The following PMPCA variants were observed in gnomAD, a reference collection of about 807,000 sequenced individuals.
The protein encoded by PMPCA is peptidase, mitochondrial processing subunit alpha, also known as mitochondrial-processing peptidase subunit alpha.
PMPCA carries 47 observed loss-of-function variants against 59.3 expected under a neutral mutation model. The ratio of observed to expected loss-of-function variants is 0.79; its 90% CI spans 0.63 to 1.01. PMPCA has a LOEUF of 1.01. Among genes scored for constraint, PMPCA ranks in the 50% least tolerant of loss-of-function variants. The pLI is 0.00. For synonymous variants in PMPCA, 338 were observed against 290.3 expected, an observed-to-expected ratio of 1.16 and a Z score of -1.67; for missense variants, 726 against 704.5, an observed-to-expected ratio of 1.03 and a Z score of -0.34.
chr9:136,419,364 T>C (rs924588031), intron 11 of PMPCA: 9 of 570,214 alleles, frequency 1.6e-5, no homozygotes, highest in Non-Finnish European at 2.8e-5. Context: ...CAGTGCTCGG[T>C]CCACTACTTC....
chr9:136,416,292 TGAA>T lies in PMPCA; in HGVS notation c.539_541del (p.Glu180del), dbSNP rs1564421463. 3 of 1,612,252 alleles carry T rather than the reference TGAA, an allele frequency of 1.9e-6. No individual in the cohort carries two copies. Among genetic ancestry groups the T allele is most frequent in the Non-Finnish European group, 2.5e-6 (3 of 1,178,776 alleles). ...CCTGGCCTTTGGGTTCTCTTGCAGA[TGAA>T]GAAGTCGAGATGACGCGGATGGCGG... On this transcript the variant is annotated inframe_deletion and splice_region_variant, in exon 6 of 13. Coordinates refer to ENST00000371717, the MANE Select transcript of PMPCA (RefSeq NM_015160.3).
In PMPCA at chr9:136,418,809, G is replaced by T. The variant is rs759678114; in HGVS notation, c.1110-19G>T. 2.5e-6 allele frequency: 4 copies of T among 1,596,546 alleles called. No individual in the cohort carries two copies. In the East Asian group the frequency reaches 8.9e-5, roughly 36 times the overall value. ...CCTGGCGAGTCCCCTTCACTCCCAT[G>T]ACTCTCGCTTCCTCCCAGGCACCAC... On this transcript the variant is annotated intron_variant, in intron 9 of 12. Transcript: ENST00000371717.
intron 11 of PMPCA, 77 bp downstream of exon 11, chr9:136,419,183 C>T: frequency 7.8e-7 from 1 of 1,276,722 alleles, no homozygotes; most frequent in African/African-American, 1.5e-5. Context: ...GGAGTGGCCA[C>T]CTGTGGGCCT....
chr9:136,411,584 G>A (rs1313067132), intron 1 of PMPCA, among the ~76,000 whole-genome samples: 1 of 152,220 alleles, frequency 6.6e-6, no homozygotes, highest in Admixed American at 6.5e-5. Flanking sequence ...GAGTGTGGGG[G>A]TTCAAGAGAT....
intron 7 of PMPCA, among the ~76,000 whole-genome samples, chr9:136,417,687 C>T (rs745438115): frequency 6.6e-6 from 1 of 152,140 alleles, no homozygotes; most frequent in Non-Finnish European, 1.5e-5. Context: ...AACTCCTGAC[C>T]TCATGATCTA....
chr9:136,422,857 T>G, intron 12 of PMPCA: 1 of 1,334,528 alleles, frequency 7.5e-7, no homozygotes. Context: ...CTTGGGTGGC[T>G]TTGTCCTATA....
At position 136,412,170 on chromosome 9, in the gene PMPCA, A is replaced by G. The variant is rs760986745; in HGVS notation, c.245A>G (p.Asn82Ser). ...AATGGGCTTCGCGTGGCATCTCAGAATAAGTTTGGACAGTTTTGTACAGTA... is the reference window on the plus strand; with the variant it reads ...AATGGGCTTCGCGTGGCATCTCAGAGTAAGTTTGGACAGTTTTGTACAGTA... Reference protein sequence around the residue: ...LDNGLRVASQNKFGQFCTVGI... With the variant: ...LDNGLRVASQSKFGQFCTVGI... Residue 82 changes from asparagine (N) to serine (S), a missense_variant, in exon 2 of 13, where the codon AAT becomes AGT. Transcript: ENST00000371717. The G allele has an allele frequency of 6.2e-7, 1 of 1,613,962 alleles. No homozygotes were observed. Among genetic ancestry groups the G allele is most frequent in the East Asian group, 2.2e-5 (1 of 44,894 alleles).
intron 12 of PMPCA, chr9:136,422,217 C>T (rs767450543): frequency 3.8e-5 from 56 of 1,471,016 alleles, no homozygotes; most frequent in Non-Finnish European, 5.1e-5. Flanking sequence ...ACCCCACCCT[C>T]TGCACCCCTG....
intron 8 of PMPCA, 120 bp downstream of exon 8, chr9:136,418,229 C>A: frequency 2.7e-6 from 2 of 749,976 alleles, no homozygotes; most frequent in South Asian, 3.0e-5. Flanking sequence ...GCTCAGCCAG[C>A]TCTGCCCTCT....
chr9:136,417,968 C>A, intron 7 of PMPCA, 49 bp from the exon 8 acceptor site: 1 of 1,304,916 alleles, frequency 7.7e-7, no homozygotes, highest in Non-Finnish European at 1.1e-6. Flanking sequence ...GGTTTGCGAG[C>A]CCTCATTGTT....
rs1340339903 is a variant in PMPCA, at chr9:136,416,989, C to T, written c.672C>T (p.Phe224=). The change falls in exon 7 of 13, where the codon TTC becomes TTT. Residue 224 remains phenylalanine (F), a synonymous_variant. Coordinates refer to ENST00000371717, the MANE Select transcript of PMPCA (RefSeq NM_015160.3). ...YRENTVGLHR[F]CPTENVAKIN... is the part of the protein sequence containing the mutation. ...AGAACACAGTTGGCCTCCACCGTTTCTGCCCCACAGAAAACGTAGCAAAGA... is the reference window on the plus strand; with the variant it reads ...AGAACACAGTTGGCCTCCACCGTTTTTGCCCCACAGAAAACGTAGCAAAGA... The T allele has an allele frequency of 6.2e-7, 1 of 1,612,322 alleles. No homozygotes were observed. The highest frequency in any genetic ancestry group is 1.3e-5 in the African/African-American group (1 of 74,888).
At chr9:136,422,313 T>A (rs894076595) in intron 12 of PMPCA, 1 of 1,209,674 alleles carries the variant, frequency 8.3e-7, no homozygotes, top group African/African-American at 1.6e-5. Context: ...TGCTACATTG[T>A]ACGTGGAGTA....
intron 4 of PMPCA, 104 bp from the exon 5 acceptor site, chr9:136,414,449 G>A: frequency 3.9e-6 from 3 of 766,390 alleles, no homozygotes; most frequent in Non-Finnish European, 7.0e-6. Flanking sequence ...TGTGAGCTCA[G>A]GGCCTGGCAT....
At position 136,412,560 on chromosome 9, in the gene PMPCA, G is replaced by A; in HGVS notation, c.345G>A (p.Leu115=). The A allele has an allele frequency of 6.4e-7, 1 of 1,574,642 alleles. No individual in the cohort carries two copies. Among genetic ancestry groups the A allele is most frequent in the Non-Finnish European group, 8.7e-7 (1 of 1,146,374 alleles). ...GAATTGCTCACTTTTTGGAAAAATT[G>A]GCATTTTCGGTCAGTACCCAGTTTT... The part of the protein sequence containing the change: ...LSGIAHFLEK[L]AFSSTARFDS... The change falls in exon 3 of 13, where the codon TTG becomes TTA. Residue 115 remains leucine, a synonymous_variant. Transcript: ENST00000371717.
Position 136,410,800 on chromosome 9 carries a change from G to T in PMPCA, c.71+61G>T, listed in dbSNP as rs1464662638. 7 of 1,296,274 alleles carry T rather than the reference G, an allele frequency of 5.4e-6. No individual in the cohort carries two copies. The South Asian group carries it at 6.2e-5, about 12-fold the overall frequency. 80.3% of individuals were successfully genotyped at this position (1,296,274 alleles called of 1,614,324 possible). On this transcript the variant is annotated intron_variant, in intron 1 of 12. Transcript: ENST00000371717. ...GGGGGCGGCTCGAGTCTTTCTGGACGCTCCGTCTTCGGTTTCTACAGGTGA... is the reference window on the plus strand; with the variant it reads ...GGGGGCGGCTCGAGTCTTTCTGGACTCTCCGTCTTCGGTTTCTACAGGTGA...
At chr9:136,421,473 G>C (rs1423928167) in intron 11 of PMPCA, among the ~76,000 whole-genome samples, 4 of 149,532 alleles carry the variant, frequency 2.7e-5, no homozygotes, top group Non-Finnish European at 4.4e-5. Flanking sequence ...GCAGTGGTGC[G>C]ATCTGGGCTC....
In PMPCA at chr9:136,418,552, C is replaced by T. The variant is rs376778807; in HGVS notation, c.991-3C>T. The stretch of plus-strand genomic sequence containing the variant: ...CAGCCAGCTCTGCCCTCCGTCCCTG[C>T]AGGAGGAGGACTTCATCCCCTTTGC... On this transcript the variant is annotated splice_polypyrimidine_tract_variant and splice_region_variant and intron_variant, in intron 8 of 12. Transcript: ENST00000371717. 3.8e-6 allele frequency: 6 copies of T among 1,582,446 alleles called. No individual in the cohort carries two copies. The African/African-American group carries it at 8.1e-5, about 21-fold the overall frequency.
At chr9:136,411,582 G>C (rs1588805802) in intron 1 of PMPCA, among the ~76,000 whole-genome samples, 1 of 152,170 alleles carries the variant, frequency 6.6e-6, no homozygotes, top group African/African-American at 2.4e-5. Context: ...GGGAGTGTGG[G>C]GGTTCAAGAG....
intron 6 of PMPCA, 143 bp downstream of exon 6, chr9:136,416,534 G>C: frequency 2.8e-6 from 2 of 703,580 alleles, no homozygotes; most frequent in Non-Finnish European, 5.1e-6. Context: ...TTGAGATGAG[G>C]TTTCTCCACA....
Sources: allele counts gnomAD v4.1 joint callset (sites outside exome capture counted in the v4.1 genomes callset), GRCh38; gene constraint gnomAD v4.1.1; transcripts MANE v1.5; gene names NCBI Gene and HGNC (gene_info 2026-07-23, HGNC 2026-07-21).